The following TEX48 variants were observed in gnomAD, a reference collection of about 807,000 sequenced individuals.
TEX48 encodes testis-expressed protein 48.
TEX48 carries 10 observed loss-of-function variants against 13.2 expected under a neutral mutation model. That is an observed-to-expected ratio of 0.75 (90% CI 0.47 to 1.28). The LOEUF is 1.28. Among genes scored for constraint, TEX48 ranks in the 50% most tolerant of loss-of-function variants. TEX48 has a pLI of 0.00. For synonymous variants in TEX48, 45 were observed against 52.3 expected (o/e 0.86, Z 0.60); for missense variants, 116 against 139.4 (o/e 0.83, Z 0.84).
At chr9:114,680,657 T>G (rs1828178222) in intron 1 of TEX48, among the ~76,000 whole-genome samples, 1 of 151,576 alleles carries the variant, frequency 6.6e-6, no homozygotes, top group African/African-American at 2.4e-5. Flanking sequence ...TCTTGGAGGG[T>G]CTTTCCTGCA....
At chr9:114,675,976 C>T (rs1407489835) in intron 1 of TEX48, among the ~76,000 whole-genome samples, 1 of 152,228 alleles carries the variant, frequency 6.6e-6, no homozygotes, top group Admixed American at 6.5e-5. Flanking sequence ...TTAGGAGTCC[C>T]TCCCTTGTGC....
chr9:114,672,719 T>C (rs1827972728), intron 1 of TEX48, among the ~76,000 whole-genome samples: 1 of 152,208 alleles, frequency 6.6e-6, no homozygotes. Flanking sequence ...TTGGGGTAGT[T>C]CTGTTAAAAT....
At chr9:114,673,168 C>T (rs1444114039) in intron 1 of TEX48, among the ~76,000 whole-genome samples, 5 of 151,950 alleles carry the variant, frequency 3.3e-5, no homozygotes, top group Non-Finnish European at 5.9e-5. Context: ...GAGCACCAAA[C>T]ATGAAAAACA....
At chr9:114,670,425 G>A (rs1232550146) in intron 3 of TEX48, among the ~76,000 whole-genome samples, 18 of 151,650 alleles carry the variant, frequency 1.2e-4, no homozygotes, top group Non-Finnish European at 2.9e-5. Flanking sequence ...CACGTTCCTG[G>A]CCATCTGTGC....
intron 1 of TEX48, among the ~76,000 whole-genome samples, chr9:114,673,849 A>G (rs982574582): frequency 6.6e-6 from 1 of 151,632 alleles, no homozygotes; most frequent in South Asian, 2.1e-4. Context: ...TCTGTCACCC[A>G]GGCTGGAGTA....
chr9:114,668,382 G>A, intron 3 of TEX48, 45 bp from the exon 4 acceptor site: 2 of 1,513,206 alleles, frequency 1.3e-6, no homozygotes, highest in East Asian at 2.5e-5. Flanking sequence ...AGGCTTAGGT[G>A]AGATCACGGA....
In TEX48 at chr9:114,666,707, C is replaced by T; in HGVS notation, c.299G>A (p.Arg100Lys). The T allele has an allele frequency of 6.5e-7, 1 of 1,535,218 alleles. No individual in the cohort carries two copies. Among genetic ancestry groups the T allele is most frequent in the Non-Finnish European group, 8.7e-7 (1 of 1,146,580 alleles). ...CTCCTGGCAGTAGCGGTTTAAGTTT[C>T]TCTTGTAAAAATTTCTTTGGGAAGC... ...AYASQRNFYKRNLNRYCQEHW... is the reference protein window; with the variant it reads ...AYASQRNFYKKNLNRYCQEHW... The change falls in exon 5 of 5, where the codon AGA (arginine) becomes AAA (lysine). Residue 100 changes from arginine (R) to lysine (K), a missense_variant. Arg to Lys is a conservative substitution (Grantham distance 26). Coordinates refer to ENST00000436752, the MANE Select transcript of TEX48 (RefSeq NM_001199233.2).
At chr9:114,679,612 A>G (rs567951063) in intron 1 of TEX48, among the ~76,000 whole-genome samples, 1 of 152,276 alleles carries the variant, frequency 6.6e-6, no homozygotes, top group African/African-American at 2.4e-5. Flanking sequence ...TATTCCAACT[A>G]TAATTAAGAC....
chr9:114,674,597 TTTTC>T (rs1162607491), intron 1 of TEX48, among the ~76,000 whole-genome samples: 16 of 136,234 alleles, frequency 1.2e-4, no homozygotes, highest in East Asian at 6.6e-4. Context: ...TCTTTTCTCT[TTTTC>T]TTTCCTTCCT....
In TEX48 at chr9:114,672,311, C is replaced by G. The variant is rs557298727; in HGVS notation, c.-104-484G>C. On this transcript the variant is annotated intron_variant, in intron 1 of 4. Transcript: ENST00000436752. ...CATGCTTTTTTCTGTGTCTCAGGCT[C>G]CTCGTCAGTAGTAAGAAGTTAGGCT... 2.0e-5 allele frequency among the ~76,000 whole-genome samples: 3 copies of G among 152,224 alleles called. No homozygotes were observed. In the South Asian group the frequency reaches 6.2e-4, roughly 32 times the overall value.
At chr9:114,676,130 A>C (rs1442025380) in intron 1 of TEX48, among the ~76,000 whole-genome samples, 1 of 152,152 alleles carries the variant, frequency 6.6e-6, no homozygotes, top group African/African-American at 2.4e-5. Context: ...CAGTCTGGAT[A>C]CTAGTTCATG....
intron 1 of TEX48, among the ~76,000 whole-genome samples, chr9:114,673,145 A>G (rs191345961): frequency 6.2e-4 from 94 of 152,302 alleles, no homozygotes; most frequent in African/African-American, 2.2e-3. Flanking sequence ...AAGCATCAAC[A>G]TAAGTATTCA....
intron 1 of TEX48, among the ~76,000 whole-genome samples, chr9:114,674,096 G>A (rs567798957): frequency 1.3e-5 from 2 of 152,230 alleles, no homozygotes; most frequent in African/African-American, 2.4e-5. Context: ...GTGAGTCACC[G>A]CGCCTGGCCA....
intron 1 of TEX48, among the ~76,000 whole-genome samples, chr9:114,676,081 C>T (rs10513256): frequency 0.13 from 19,115 of 152,286 alleles, 1,399 homozygotes; most frequent in East Asian, 0.2. Flanking sequence ...GCTTAATAAA[C>T]ACTTGTTGAA....
intron 1 of TEX48, among the ~76,000 whole-genome samples, chr9:114,680,667 AC>A (rs1257496044): frequency 6.6e-6 from 1 of 152,190 alleles, no homozygotes; most frequent in East Asian, 1.9e-4. Flanking sequence ...TCTTTCCTGC[AC>A]CTTTAGTTGA....
At chr9:114,671,252 C>T in intron 3 of TEX48, 131 bp downstream of exon 3, 1 of 1,096,158 alleles carries the variant, frequency 9.1e-7, no homozygotes, top group Admixed American at 2.5e-5. Context: ...CATCCAACAC[C>T]CACCTCATTT....
At chr9:114,678,977 A>C (rs973351765) in intron 1 of TEX48, among the ~76,000 whole-genome samples, 3 of 152,102 alleles carry the variant, frequency 2.0e-5, no homozygotes, top group African/African-American at 4.8e-5. Flanking sequence ...AGGGTAAGAA[A>C]AATAGGAAGT....
intron 4 of TEX48, among the ~76,000 whole-genome samples, chr9:114,667,721 A>C (rs1260004467): frequency 6.6e-6 from 1 of 152,080 alleles, no homozygotes; most frequent in Non-Finnish European, 1.5e-5. Context: ...CAACATGGTG[A>C]AACCCTTTTT....
Position 114,668,244 on chromosome 9 carries a change from G to A in TEX48, c.221C>T (p.Thr74Ile), listed in dbSNP as rs2296947. Reference sequence around the variant, plus strand: ...GCTGCTGGAGGAAGTGCTCTTTTTTGTCTGGATCAGGGGTGTTCTCGAAGG... The same window carrying A: ...GCTGCTGGAGGAAGTGCTCTTTTTTATCTGGATCAGGGGTGTTCTCGAAGG... ...HLPSRTPLIQ[T>I]KKSTSSSSSE... Residue 74 changes from threonine (T) to isoleucine (I), a missense_variant, in exon 4 of 5, where the codon ACA (threonine) becomes ATA (isoleucine). Coordinates refer to ENST00000436752, the MANE Select transcript of TEX48 (RefSeq NM_001199233.2). 0.38 allele frequency: 590,155 copies of A among 1,535,160 alleles called. 115,127 individuals carry two copies. The highest frequency in any genetic ancestry group is 0.43 in the African/African-American group (31,671 of 73,038).
Sources: allele counts gnomAD v4.1 joint callset (sites outside exome capture counted in the v4.1 genomes callset), GRCh38; gene constraint gnomAD v4.1.1; transcripts MANE v1.5; gene names NCBI Gene and HGNC (gene_info 2026-07-23, HGNC 2026-07-21).